ROR2: variants seen among roughly 807,000 people sequenced by gnomAD.
ROR2 encodes the protein ROR family WNT receptor 2, also known as tyrosine-protein kinase transmembrane receptor ROR2.
Under a neutral mutation model 74.9 loss-of-function variants are expected in ROR2, and 33 were observed. That is an observed-to-expected ratio of 0.44 (90% CI 0.33 to 0.59). ROR2 has a LOEUF of 0.59. Ranked by LOEUF, ROR2 falls within the 20% of genes least tolerant of loss-of-function variation. The probability of loss-of-function intolerance (pLI) is 0.02; values close to 1 mark genes in which losing one functional copy is unlikely to be tolerated. For missense variants in ROR2, 1,216 were observed against 1,313.8 expected, an observed-to-expected ratio of 0.93 and a Z score of 1.15; for synonymous variants, 586 against 558.7, an observed-to-expected ratio of 1.05 and a Z score of -0.69.
intron 1 of ROR2, among the ~76,000 whole-genome samples, chr9:91,945,199 C>T (rs892905036): frequency 2.0e-5 from 3 of 152,218 alleles, no homozygotes; most frequent in Admixed American, 2.0e-4. Context: ...TGAAATGAAG[C>T]CAGTGAAGGG....
In ROR2 at chr9:91,745,426, A is replaced by ATTTTT. The variant is rs72432798; in HGVS notation, c.495-7913_495-7909dup. ...AGGCATGAGCCACCATGCCCAGCCT[A>ATTTTT]TTTTTTTTTTTTTTTTTTTTTGAGA... On this transcript the variant is annotated intron_variant, in intron 4 of 8. Coordinates refer to ENST00000375708, the MANE Select transcript of ROR2 (RefSeq NM_004560.4). 5.9e-3 allele frequency among the ~76,000 whole-genome samples: 586 copies of ATTTTT among 99,724 alleles called. 18 individuals carry two copies. Among genetic ancestry groups the ATTTTT allele is most frequent in the African/African-American group, 0.014 (324 of 23,556 alleles). 65.4% of individuals were successfully genotyped at this position (99,724 alleles called of 152,430 possible). A position where few individuals can be genotyped will look rare whatever the true frequency, so the allele number is the denominator to read the frequency against.
chr9:91,914,622 G>GGA (rs1283200327), intron 1 of ROR2, among the ~76,000 whole-genome samples: 2 of 152,140 alleles, frequency 1.3e-5, no homozygotes, highest in African/African-American at 4.8e-5. Context: ...GCGGGGCAGG[G>GGA]GAGAGGCTTT....
chr9:91,906,132 G>A (rs1830809407), intron 1 of ROR2, among the ~76,000 whole-genome samples: 2 of 152,116 alleles, frequency 1.3e-5, no homozygotes, highest in Admixed American at 6.5e-5. Context: ...AAGCTCCCGT[G>A]GCCAGGCTGT....
In ROR2 at chr9:91,883,695, G is replaced by A. The variant is rs1459226704; in HGVS notation, c.97+66172C>T. Among the ~76,000 whole-genome samples, 15 of 152,212 alleles carry A rather than the reference G, an allele frequency of 9.9e-5. No individual in the cohort carries two copies. The East Asian group carries it at 1.9e-3, about 20-fold the overall frequency. On this transcript the variant is annotated intron_variant, in intron 1 of 8. Coordinates refer to ENST00000375708, the MANE Select transcript of ROR2 (RefSeq NM_004560.4). ...AGAGGCCTTGGAATGAGACTCCTACGCACCAGAACCCTCTCTCACTCCAAA... is the reference window on the plus strand; with the variant it reads ...AGAGGCCTTGGAATGAGACTCCTACACACCAGAACCCTCTCTCACTCCAAA...
intron 1 of ROR2, among the ~76,000 whole-genome samples, chr9:91,901,436 T>A (rs1293490869): frequency 6.6e-6 from 1 of 152,164 alleles, no homozygotes; most frequent in East Asian, 1.9e-4. Context: ...AGAACTAAGA[T>A]CTTTGTTTTC....
intron 1 of ROR2, among the ~76,000 whole-genome samples, chr9:91,857,852 C>G (rs1317896254): frequency 1.3e-5 from 2 of 152,160 alleles, no homozygotes; most frequent in African/African-American, 4.8e-5. Flanking sequence ...TAGCGCTCTC[C>G]CACCACATTT....
intron 1 of ROR2, among the ~76,000 whole-genome samples, chr9:91,850,588 GAAGAGGCTGTGGGGCTGTGAGGCCACA>G: frequency 6.6e-6 from 1 of 152,330 alleles, no homozygotes; most frequent in South Asian, 2.1e-4. Context: ...CAGGAAATGG[GAAGAGGCTGTGGGGCTGTGAGGCCACA>G]CCCACCCAGG....
chr9:91,730,193 T>C (rs575861090), intron 7 of ROR2, among the ~76,000 whole-genome samples: 5 of 152,304 alleles, frequency 3.3e-5, no homozygotes, highest in South Asian at 4.1e-4. Context: ...TCCACCCGTC[T>C]TGGCCTCCCA....
At chr9:91,790,342 A>G (rs1826930134) in intron 1 of ROR2, among the ~76,000 whole-genome samples, 2 of 151,654 alleles carry the variant, frequency 1.3e-5, no homozygotes, top group Admixed American at 1.3e-4. Flanking sequence ...CTCTACTGAA[A>G]AAAAAAAAAA....
intron 1 of ROR2, among the ~76,000 whole-genome samples, chr9:91,825,051 TTAAG>T (rs1293317516): frequency 1.3e-5 from 2 of 152,312 alleles, no homozygotes; most frequent in Middle Eastern, 3.4e-3. Context: ...CTTTGTGGCC[TTAAG>T]TAAGCCAATG....
chr9:91,765,637 G>A (rs1276224332), intron 2 of ROR2, among the ~76,000 whole-genome samples: 1 of 152,204 alleles, frequency 6.6e-6, no homozygotes, highest in Non-Finnish European at 1.5e-5. Flanking sequence ...CCAGGGTGGA[G>A]GAAATCTCTC....
At chr9:91,784,381 A>C (rs886183043) in intron 1 of ROR2, among the ~76,000 whole-genome samples, 2 of 152,172 alleles carry the variant, frequency 1.3e-5, no homozygotes, top group Non-Finnish European at 2.9e-5. Context: ...GAAGCCTCTC[A>C]AAGGGGCTTC....
At chr9:91,816,805 G>A (rs1194877642) in intron 1 of ROR2, among the ~76,000 whole-genome samples, 3 of 151,748 alleles carry the variant, frequency 2.0e-5, no homozygotes, top group African/African-American at 7.3e-5. Flanking sequence ...GAGGGTATGG[G>A]AGAAGGGGGA....
intron 1 of ROR2, among the ~76,000 whole-genome samples, chr9:91,879,970 A>AT (rs1476217043): frequency 6.6e-6 from 1 of 152,230 alleles, no homozygotes; most frequent in East Asian, 1.9e-4. Flanking sequence ...AAGTCAACAG[A>AT]TGTTACTACA....
At chr9:91,751,326 A>G (rs1825590844) in intron 4 of ROR2, among the ~76,000 whole-genome samples, 1 of 152,150 alleles carries the variant, frequency 6.6e-6, no homozygotes, top group African/African-American at 2.4e-5. Context: ...CTCCACATCA[A>G]CCTCCCAAAA....
At chr9:91,928,525 G>A (rs1262725435) in intron 1 of ROR2, among the ~76,000 whole-genome samples, 2 of 152,202 alleles carry the variant, frequency 1.3e-5, no homozygotes, top group Non-Finnish European at 2.9e-5. Flanking sequence ...AAGGAAAGAG[G>A]CAGACTGTGG....
At chr9:91,806,273 T>A (rs990390472) in intron 1 of ROR2, among the ~76,000 whole-genome samples, 2 of 152,184 alleles carry the variant, frequency 1.3e-5, no homozygotes, top group Non-Finnish European at 2.9e-5. Context: ...TGAATTCATG[T>A]CTGATGAGGG....
intron 1 of ROR2, among the ~76,000 whole-genome samples, chr9:91,904,679 C>T (rs1454264598): frequency 6.6e-6 from 1 of 152,162 alleles, no homozygotes; most frequent in Non-Finnish European, 1.5e-5. Flanking sequence ...ATGTCCCTTC[C>T]AGGCTGTAAA....
rs777537273 is a variant in ROR2 at position 91,724,997 on chromosome 9, C to T, written c.1497G>A (p.Glu499=). The T allele has an allele frequency of 2.5e-6, 4 of 1,613,854 alleles. No individual in the cohort carries two copies. The East Asian group carries it at 8.9e-5, about 36-fold the overall frequency. Residue 499 remains glutamate, a synonymous_variant, in exon 9 of 9, where the codon GAG becomes GAA. Coordinates refer to ENST00000375708, the MANE Select transcript of ROR2 (RefSeq NM_004560.4). ...KGHLFGPAPG[E]QTQAVAIKTL... ...TTTTGATGGCCACAGCCTGGGTCTG[C>T]TCCCCCGGGGCAGGGCCGAACAGGT... is the stretch of plus-strand genomic sequence containing the variant.
Sources: gnomAD v4.1 joint callset for allele counts (sites outside exome capture counted in the v4.1 genomes callset) on GRCh38, gnomAD v4.1.1 for gene constraint, MANE v1.5 for transcripts, NCBI Gene and HGNC (gene_info 2026-07-23, HGNC 2026-07-21) for gene names.